Variants in SLCO3A1 observed in about 807,000 individuals in gnomAD.
SLCO3A1 encodes PGE1 transporter.
SLCO3A1 carries 27 observed loss-of-function variants against 63.1 expected under a neutral mutation model. The observed-to-expected ratio is 0.43, with a 90% CI of 0.32 to 0.59. The LOEUF is 0.59. SLCO3A1 is among the 20% of genes least tolerant of loss of function. The probability of loss-of-function intolerance (pLI) is 0.09; values close to 1 mark genes in which losing one functional copy is unlikely to be tolerated. For synonymous variants in SLCO3A1, 473 were observed against 409.9 expected (o/e 1.15, Z -1.86); for missense variants, 773 against 945.8 (o/e 0.82, Z 2.40).
chr15:92,168,026 A>G (rs576811919), downstream of SLCO3A1, among the ~76,000 whole-genome samples: 1 of 152,234 alleles, frequency 6.6e-6, no homozygotes, highest in East Asian at 1.9e-4. Flanking sequence ...TTTTGGCTAT[A>G]TGCCAAGCCC....
At chr15:92,167,343 G>C (rs139367272), downstream of SLCO3A1, among the ~76,000 whole-genome samples, 1 of 152,298 alleles carries the variant, frequency 6.6e-6, no homozygotes, top group African/African-American at 2.4e-5. Flanking sequence ...TTTAGGGACC[G>C]TTCCCCCTTA....
intron 2 of SLCO3A1, among the ~76,000 whole-genome samples, chr15:92,084,579 T>C (rs114626314): frequency 1.3e-5 from 2 of 152,240 alleles, no homozygotes; most frequent in African/African-American, 4.8e-5. Context: ...GAAACACGAA[T>C]GGGTGCATCT....
chr15:92,132,929 T>G (rs191468939), intron 7 of SLCO3A1, among the ~76,000 whole-genome samples: 1 of 146,108 alleles, frequency 6.8e-6, no homozygotes, highest in Admixed American at 6.8e-5. Flanking sequence ...TCTGATTCCC[T>G]TATTTTGGAG....
intron 3 of SLCO3A1, among the ~76,000 whole-genome samples, chr15:92,104,023 A>G (rs2047637003): frequency 6.6e-6 from 1 of 152,214 alleles, no homozygotes; most frequent in African/African-American, 2.4e-5. Context: ...CTGGCTTCTC[A>G]CTGTTTTTGT....
chr15:91,948,199 A>G lies in SLCO3A1; in HGVS notation c.646+31741A>G, dbSNP rs1427210958. Among the ~76,000 whole-genome samples, 12 of 152,158 alleles carry G rather than the reference A, an allele frequency of 7.9e-5. No homozygotes were observed. The highest frequency in any genetic ancestry group is 1.6e-4 in the Non-Finnish European group (11 of 68,032). On this transcript the variant is annotated intron_variant, in intron 2 of 9. Transcript: ENST00000318445. The surrounding 1 kb of genome is among the most constrained non-coding windows in gnomAD (Gnocchi z 4.8). Reference sequence around the variant, plus strand: ...CCTTTGTTTCAGTGCCATGCGGCTAATGAATGCCGACCTCCGGGAAGCTTT... The same window carrying G: ...CCTTTGTTTCAGTGCCATGCGGCTAGTGAATGCCGACCTCCGGGAAGCTTT...
chr15:91,985,434 T>C (rs2046039503), intron 2 of SLCO3A1, among the ~76,000 whole-genome samples: 1 of 152,222 alleles, frequency 6.6e-6, no homozygotes, highest in African/African-American at 2.4e-5. Context: ...AGCATTACTG[T>C]CCCTGGGTTT....
rs530064634 is a variant in SLCO3A1 at position 92,151,156 on chromosome 15, T to C, written c.1753+142T>C. On this transcript the variant is annotated intron_variant, in intron 9 of 9. Transcript: ENST00000318445. ...TTATTAGTAAATAAGAAATTTTAAG[T>C]CTCAAAATTTTGGTCAGAGATAAAC... is the stretch of plus-strand genomic sequence containing the variant. The C allele has an allele frequency of 1.3e-4, 84 of 657,736 alleles. 3 individuals are homozygous for C. Among genetic ancestry groups the C allele is most frequent in the South Asian group, 1.1e-3 (50 of 45,082 alleles). 40.7% of individuals were successfully genotyped at this position (657,736 alleles called of 1,614,324 possible). A position where few individuals can be genotyped will look rare whatever the true frequency, so the allele number is the denominator to read the frequency against.
intron 2 of SLCO3A1, among the ~76,000 whole-genome samples, chr15:91,946,969 C>T (rs1211430624): frequency 1.3e-5 from 2 of 152,218 alleles, no homozygotes; most frequent in African/African-American, 4.8e-5. Context: ...GAGTCCAAGA[C>T]AGGATGAGTC....
At chr15:92,133,513 T>C (rs1812171907) in intron 7 of SLCO3A1, among the ~76,000 whole-genome samples, 1 of 145,604 alleles carries the variant, frequency 6.9e-6, no homozygotes, top group Admixed American at 6.8e-5. Flanking sequence ...TTTATCTGTA[T>C]TTATAGCCGC....
intron 2 of SLCO3A1, among the ~76,000 whole-genome samples, chr15:91,993,861 C>T (rs1189875368): frequency 6.6e-6 from 1 of 152,186 alleles, no homozygotes; most frequent in Non-Finnish European, 1.5e-5. Context: ...AAGCTGGTCA[C>T]CATGTTGTGA....
At chr15:92,131,090 T>C (rs1347569819) in intron 7 of SLCO3A1, among the ~76,000 whole-genome samples, 1 of 152,106 alleles carries the variant, frequency 6.6e-6, no homozygotes, top group Admixed American at 6.5e-5. Flanking sequence ...ATAGGTGTTC[T>C]TCTTATTTCC....
intron 4 of SLCO3A1, among the ~76,000 whole-genome samples, chr15:92,116,526 C>T (rs1437389418): frequency 2.6e-5 from 4 of 152,182 alleles, no homozygotes; most frequent in African/African-American, 4.8e-5. Context: ...AATCGGTAGG[C>T]GGGGGGTACA....
Position 91,963,634 on chromosome 15 carries a change from G to A in SLCO3A1, c.646+47176G>A, listed in dbSNP as rs543914891. Among the ~76,000 whole-genome samples, 18 of 152,188 alleles carry A rather than the reference G, an allele frequency of 1.2e-4. No individual in the cohort carries two copies. In the East Asian group the frequency reaches 1.4e-3, roughly 11 times the overall value. ...TTCAAGAATGAAGCCGTGGACCTTC[G>A]CGGTGAGTGTTACAGTTCTTAAAGA... On this transcript the variant is annotated intron_variant, in intron 2 of 9. Coordinates refer to ENST00000318445, the MANE Select transcript of SLCO3A1 (RefSeq NM_013272.4).
At chr15:92,015,111 G>T (rs1005395362) in intron 2 of SLCO3A1, among the ~76,000 whole-genome samples, 1 of 152,184 alleles carries the variant, frequency 6.6e-6, no homozygotes, top group Non-Finnish European at 1.5e-5. Flanking sequence ...GCTCTTTGGA[G>T]TGATGTCCTA....
chr15:92,084,697 C>A (rs936342021), intron 2 of SLCO3A1, among the ~76,000 whole-genome samples: 2 of 152,204 alleles, frequency 1.3e-5, no homozygotes, highest in African/African-American at 4.8e-5. Flanking sequence ...GTAGCAGATG[C>A]CTGCAGCTCC....
intron 4 of SLCO3A1, among the ~76,000 whole-genome samples, chr15:92,119,646 T>G (rs2047837448): frequency 6.6e-6 from 1 of 151,962 alleles, no homozygotes; most frequent in South Asian, 2.1e-4. Context: ...CCACTGGGGC[T>G]GGACTGGAGG....
At chr15:91,927,002 G>A (rs190431691) in intron 2 of SLCO3A1, among the ~76,000 whole-genome samples, 1 of 152,240 alleles carries the variant, frequency 6.6e-6, no homozygotes, top group East Asian at 1.9e-4. Flanking sequence ...GTGACAGATG[G>A]CATTTAGAGA....
rs2151409722 is a variant in SLCO3A1 at position 91,950,010 on chromosome 15, A to G, written c.646+33552A>G. Among the ~76,000 whole-genome samples the G allele has an allele frequency of 6.6e-6, 1 of 152,316 alleles. No individual in the cohort carries two copies. The highest frequency in any genetic ancestry group is 2.4e-5 in the African/African-American group (1 of 41,568). The stretch of plus-strand genomic sequence containing the variant: ...CAACAGAACCAGACCCTGTCTCTAA[A>G]AAACAACAACGAAAAGAAGGCAGAC... On this transcript the variant is annotated intron_variant, in intron 2 of 9. Transcript: ENST00000318445. The surrounding 1 kb of genome is among the most constrained non-coding windows in gnomAD (Gnocchi z 4.4).
At chr15:92,118,168 T>C (rs1361550561) in intron 4 of SLCO3A1, among the ~76,000 whole-genome samples, 6 of 152,272 alleles carry the variant, frequency 3.9e-5, no homozygotes, top group African/African-American at 1.4e-4. Flanking sequence ...ATCTTTATTC[T>C]TATTCATAGC....
Sources: gnomAD v4.1 joint callset for allele counts (sites outside exome capture counted in the v4.1 genomes callset) on GRCh38, gnomAD v4.1.1 for gene constraint, Gnocchi (gnomAD v3.1) non-coding constraint, MANE v1.5 for transcripts, NCBI Gene and HGNC (gene_info 2026-07-23, HGNC 2026-07-21) for gene names.